MAN2A1: variants seen among roughly 807,000 people sequenced by gnomAD.
The protein encoded by MAN2A1 is alpha-mannosidase 2.
In MAN2A1, 76 loss-of-function variants were observed where a neutral mutation model predicts 142.6. The observed-to-expected ratio is 0.53, with a 90% confidence interval of 0.44 to 0.65. MAN2A1 has a LOEUF of 0.65. Among genes scored for constraint, MAN2A1 ranks in the 30% least tolerant of loss-of-function variants. The pLI, the probability that MAN2A1 is intolerant of heterozygous loss-of-function variation, is 0.00. For synonymous variants in MAN2A1, 559 were observed against 473.2 expected, an observed-to-expected ratio of 1.18 and a Z score of -2.35; for missense variants, 1,311 against 1,365.1, an observed-to-expected ratio of 0.96 and a Z score of 0.62.
At chr5:109,741,749 A>C (rs577135532) in intron 4 of MAN2A1, among the ~76,000 whole-genome samples, 9 of 152,330 alleles carry the variant, frequency 5.9e-5, no homozygotes, top group Admixed American at 3.9e-4. Context: ...ATTCAACTCT[A>C]TAAGCTTTTA....
intron 17 of MAN2A1, among the ~76,000 whole-genome samples, chr5:109,845,437 C>A (rs985931284): frequency 6.6e-6 from 1 of 151,958 alleles, no homozygotes; most frequent in Non-Finnish European, 1.5e-5. Context: ...TTATTAAAAC[C>A]AATTCAAGAA....
chr5:109,757,169 G>T (rs527909529), intron 5 of MAN2A1, among the ~76,000 whole-genome samples: 1 of 152,146 alleles, frequency 6.6e-6, no homozygotes, highest in African/African-American at 2.4e-5. Context: ...GTTGAGACCT[G>T]TGATTTTTCT....
At position 109,807,151 on chromosome 5, in the gene MAN2A1, G is replaced by A. The variant is rs532322161; in HGVS notation, c.1944-10122G>A. ...GTGAATACAGGAGAGAGGGCAAAGGGCTAGACCCACTTCATTTAATCTTTG... is the reference window on the plus strand; with the variant it reads ...GTGAATACAGGAGAGAGGGCAAAGGACTAGACCCACTTCATTTAATCTTTG... On this transcript the variant is annotated intron_variant, in intron 12 of 21. Coordinates refer to ENST00000261483, the MANE Select transcript of MAN2A1 (RefSeq NM_002372.4). Among the ~76,000 whole-genome samples the A allele has an allele frequency of 4.9e-4, 75 of 152,162 alleles. 1 individual carries two copies. Among genetic ancestry groups the A allele is most frequent in the African/African-American group, 1.8e-3 (73 of 41,518 alleles).
Position 109,823,758 on chromosome 5 carries a change from G to A in MAN2A1, c.2487G>A (p.Val829=). The A allele has an allele frequency of 6.2e-7, 1 of 1,609,010 alleles. No homozygotes were observed. Among genetic ancestry groups the A allele is most frequent in the Non-Finnish European group, 8.5e-7 (1 of 1,177,638 alleles). The change falls in exon 16 of 22, where the codon GTG becomes GTA. Residue 829 remains valine (V), a synonymous_variant. Coordinates refer to ENST00000261483, the MANE Select transcript of MAN2A1 (RefSeq NM_002372.4). The stretch of plus-strand genomic sequence containing the variant: ...ACACAACACCGCCCTTTGTCAGAGT[G>A]ACACATGGAAGGATTTATTCGGAAG... ...YVYTTPPFVR[V]THGRIYSEVT...
At chr5:109,724,305 A>G (rs975443425) in intron 3 of MAN2A1, among the ~76,000 whole-genome samples, 3 of 152,196 alleles carry the variant, frequency 2.0e-5, no homozygotes, top group Admixed American at 2.0e-4. Flanking sequence ...AAGGGTTGAA[A>G]AACTACCTGT....
intron 12 of MAN2A1, among the ~76,000 whole-genome samples, chr5:109,811,368 G>C (rs925412170): frequency 1.4e-4 from 21 of 152,024 alleles, no homozygotes; most frequent in African/African-American, 5.1e-4. Context: ...CACTGCATAA[G>C]ACTTACGAAT....
At chr5:109,770,259 A>G in intron 6 of MAN2A1, 96 bp from the exon 7 acceptor site, 1 of 1,155,722 alleles carries the variant, frequency 8.7e-7, no homozygotes, top group Admixed American at 2.1e-5. Flanking sequence ...ACAGAGCTAA[A>G]TCAGCATTAC....
chr5:109,828,565 T>G (rs915635947), intron 16 of MAN2A1, among the ~76,000 whole-genome samples: 1 of 152,250 alleles, frequency 6.6e-6, no homozygotes, highest in Non-Finnish European at 1.5e-5. Flanking sequence ...ACAGCTACTT[T>G]GAAGAATTAG....
chr5:109,830,469 A>C (rs193096799), intron 16 of MAN2A1, among the ~76,000 whole-genome samples: 2 of 152,354 alleles, frequency 1.3e-5, no homozygotes, highest in Admixed American at 1.3e-4. Flanking sequence ...AAAGGCCAAG[A>C]AGTGATTAAA....
At chr5:109,788,865 A>G (rs1753665911) in intron 10 of MAN2A1, 69 bp from the exon 11 acceptor site, 3 of 735,086 alleles carry the variant, frequency 4.1e-6, no homozygotes, top group East Asian at 5.1e-5. Flanking sequence ...GCTATTAGTA[A>G]TGAAACTGAA....
chr5:109,713,332 C>T (rs1285785606), intron 1 of MAN2A1, among the ~76,000 whole-genome samples, 188 bp from the exon 2 acceptor site: 1 of 152,096 alleles, frequency 6.6e-6, no homozygotes, highest in Non-Finnish European at 1.5e-5. Flanking sequence ...AGAAGATTTT[C>T]TGCTGTAAAT....
intron 16 of MAN2A1, among the ~76,000 whole-genome samples, chr5:109,841,162 A>T (rs986706914): frequency 2.0e-5 from 3 of 152,082 alleles, no homozygotes; most frequent in Non-Finnish European, 4.4e-5. Flanking sequence ...AAAAATTTCC[A>T]TAGGTTATTG....
At chr5:109,745,787 T>C (rs1304969484) in intron 4 of MAN2A1, among the ~76,000 whole-genome samples, 2 of 152,020 alleles carry the variant, frequency 1.3e-5, no homozygotes, top group South Asian at 2.1e-4. Flanking sequence ...CTAGCCAATT[T>C]TTATAATTTT....
At chr5:109,706,010 A>G (rs1751120046) in intron 1 of MAN2A1, among the ~76,000 whole-genome samples, 1 of 152,216 alleles carries the variant, frequency 6.6e-6, no homozygotes, top group South Asian at 2.1e-4. Context: ...TCCTTTTGTC[A>G]TGTAAGGCAA....
chr5:109,708,578 T>C (rs901931666), intron 1 of MAN2A1, among the ~76,000 whole-genome samples: 1 of 136,434 alleles, frequency 7.3e-6, no homozygotes, highest in Non-Finnish European at 1.6e-5. Context: ...AATTGGCTTA[T>C]TTGATTATGG....
chr5:109,844,767 C>A (rs1025725068), intron 17 of MAN2A1, among the ~76,000 whole-genome samples: 4 of 152,190 alleles, frequency 2.6e-5, no homozygotes, highest in South Asian at 2.1e-4. Flanking sequence ...ACAGCGTTCT[C>A]CCTATGCCTC....
At position 109,698,784 on chromosome 5, in the gene MAN2A1, A is replaced by T. The variant is rs548813293; in HGVS notation, c.135+8232A>T. 1.6e-4 allele frequency among the ~76,000 whole-genome samples: 24 copies of T among 152,240 alleles called. No individual in the cohort carries two copies. The East Asian group carries it at 4.6e-3, about 29-fold the overall frequency. Reference sequence around the variant, plus strand: ...CAATGATTTTTTTTTTCTTTTAAACATGTAAAAGGTATAAATGCACATAGA... The same window carrying T: ...CAATGATTTTTTTTTTCTTTTAAACTTGTAAAAGGTATAAATGCACATAGA... On this transcript the variant is annotated intron_variant, in intron 1 of 21. Transcript: ENST00000261483.
At chr5:109,745,337 G>A (rs985682070) in intron 4 of MAN2A1, among the ~76,000 whole-genome samples, 2 of 152,016 alleles carry the variant, frequency 1.3e-5, no homozygotes, top group African/African-American at 4.8e-5. Flanking sequence ...AATGATATAT[G>A]TCTCTCTTGA....
intron 3 of MAN2A1, among the ~76,000 whole-genome samples, chr5:109,719,695 T>A (rs923881348): frequency 2.6e-5 from 4 of 152,202 alleles, no homozygotes; most frequent in African/African-American, 4.8e-5. Flanking sequence ...AATAGATTTT[T>A]AAAAATTTTC....
Sources: gnomAD v4.1 joint callset for allele counts (sites outside exome capture counted in the v4.1 genomes callset) on GRCh38, gnomAD v4.1.1 for gene constraint, MANE v1.5 for transcripts, NCBI Gene and HGNC (gene_info 2026-07-23, HGNC 2026-07-21) for gene names.